The following CTCF variants were observed in gnomAD, a reference collection of about 807,000 sequenced individuals.
The protein encoded by CTCF is CCCTC-binding factor.
Under a neutral mutation model 72.3 loss-of-function variants are expected in CTCF, and 7 were observed. The observed-to-expected ratio is 0.10, with a 90% confidence interval of 0.06 to 0.18. The LOEUF (loss-of-function observed/expected upper bound fraction) is 0.18. Ranked by LOEUF, CTCF falls within the 10% of genes least tolerant of loss-of-function variation. The pLI is 1.00. For synonymous variants in CTCF, 374 were observed against 315.8 expected (o/e 1.18, Z -1.95); for missense variants, 516 against 949.1 (o/e 0.54, Z 6.00).
chr16:67,618,715 A>T (rs1373246686), intron 5 of CTCF, among the ~76,000 whole-genome samples: 1 of 152,246 alleles, frequency 6.6e-6, no homozygotes, highest in Non-Finnish European at 1.5e-5. Flanking sequence ...TACAGAAATC[A>T]GTAACGTCAA....
At chr16:67,606,784 A>G (rs1235881117) in intron 2 of CTCF, among the ~76,000 whole-genome samples, 1 of 133,210 alleles carries the variant, frequency 7.5e-6, no homozygotes, top group Non-Finnish European at 1.6e-5. Flanking sequence ...TTTGAGACAT[A>G]GTTTCACTCT....
intron 8 of CTCF, 79 bp from the exon 9 acceptor site, chr16:67,628,291 G>T: frequency 7.7e-7 from 1 of 1,305,882 alleles, no homozygotes; most frequent in Non-Finnish European, 1.1e-6. Context: ...AATACCTGTT[G>T]GCCACATGCA....
Position 67,616,813 on chromosome 16 carries a change from C to A in CTCF, c.1021C>A (p.Arg341Ser), listed in dbSNP as rs780911615. ...GACCAGTGGAGAATTGGTTCGGCAT[C>A]GTCGTTACAAACACACCCACGAGAA... is the stretch of plus-strand genomic sequence containing the variant. ...FVTSGELVRHRRYKHTHEKPF... is the reference protein window; with the variant it reads ...FVTSGELVRHSRYKHTHEKPF... The change falls in exon 5 of 12, where the codon CGT (arginine) becomes AGT (serine). Residue 341 changes from arginine to serine, a missense_variant. Physicochemically the swap from Arg to Ser is moderately radical, Grantham distance 110. This residue lies in a region of CTCF where 70 missense variants were observed against 290.1 expected (regional missense o/e 0.24). Transcript: ENST00000264010. 1 of 1,614,106 alleles carries A rather than the reference C, an allele frequency of 6.2e-7. No individual in the cohort carries two copies. Among genetic ancestry groups the A allele is most frequent in the Non-Finnish European group, 8.5e-7 (1 of 1,180,002 alleles).
Position 67,611,458 on chromosome 16 carries a change from A to T in CTCF, c.626A>T (p.Lys209Met). 1 of 1,614,206 alleles carries T rather than the reference A, an allele frequency of 6.2e-7. No individual in the cohort carries two copies. Among genetic ancestry groups the T allele is most frequent in the Non-Finnish European group, 8.5e-7 (1 of 1,180,032 alleles). The change falls in exon 3 of 12, where the codon AAG becomes ATG. Residue 209 changes from lysine to methionine, a missense_variant. Lys to Met is a moderately conservative substitution (Grantham distance 95). Coordinates refer to ENST00000264010, the MANE Select transcript of CTCF (RefSeq NM_006565.4). Reference sequence around the variant, plus strand: ...GCCAAAAAAACAAAGAAAACCAAAAAGAGCAAACTGCGTTATACAGAGGAG... The same window carrying T: ...GCCAAAAAAACAAAGAAAACCAAAATGAGCAAACTGCGTTATACAGAGGAG... The part of the protein sequence containing the change: ...PPAKKTKKTK[K>M]SKLRYTEEGK...
chr16:67,590,403 T>C (rs910320127), intron 2 of CTCF, among the ~76,000 whole-genome samples: 5 of 152,070 alleles, frequency 3.3e-5, no homozygotes, highest in Admixed American at 6.5e-5. Flanking sequence ...AATACTAGAA[T>C]GCTCTTAACT....
At chr16:67,594,850 A>G (rs1412146646) in intron 2 of CTCF, among the ~76,000 whole-genome samples, 3 of 152,170 alleles carry the variant, frequency 2.0e-5, no homozygotes, top group South Asian at 2.1e-4. Flanking sequence ...ATACTGGGGG[A>G]AAAACACATA....
intron 4 of CTCF, among the ~76,000 whole-genome samples, chr16:67,614,073 G>A (rs1361268386): frequency 1.3e-5 from 2 of 152,118 alleles, no homozygotes; most frequent in African/African-American, 4.8e-5. Flanking sequence ...GCAGCCGGGC[G>A]CCGTAGCTCT....
At chr16:67,595,082 TTCAG>T (rs1248628894) in intron 2 of CTCF, among the ~76,000 whole-genome samples, 1 of 152,180 alleles carries the variant, frequency 6.6e-6, no homozygotes, top group Non-Finnish European at 1.5e-5. Context: ...TTGGACCTGA[TTCAG>T]TCAGCATCAC....
intron 2 of CTCF, among the ~76,000 whole-genome samples, chr16:67,596,213 A>G (rs2051812868): frequency 6.6e-6 from 1 of 152,142 alleles, no homozygotes; most frequent in South Asian, 2.1e-4. Flanking sequence ...TGGCCTCCCA[A>G]AGTGCTGGGA....
intron 1 of CTCF, among the ~76,000 whole-genome samples, chr16:67,566,859 C>G (rs2051349283): frequency 6.6e-6 from 1 of 151,820 alleles, no homozygotes; most frequent in Non-Finnish European, 1.5e-5. Context: ...GCGTGAGCCA[C>G]CGTGCCCGGC....
chr16:67,584,976 A>G (rs925323561), intron 2 of CTCF, among the ~76,000 whole-genome samples: 1 of 152,198 alleles, frequency 6.6e-6, no homozygotes, highest in African/African-American at 2.4e-5. Context: ...ATCAATGTGT[A>G]TGTCTAGAAA....
At chr16:67,622,641 CTT>C (rs555584618) in intron 7 of CTCF, among the ~76,000 whole-genome samples, 6 of 130,914 alleles carry the variant, frequency 4.6e-5, no homozygotes, top group Non-Finnish European at 3.3e-5. Flanking sequence ...CCTACTCTTA[CTT>C]TTTTTTTTTT....
intron 2 of CTCF, among the ~76,000 whole-genome samples, chr16:67,594,575 G>C (rs1439573357): frequency 6.6e-6 from 1 of 152,016 alleles, no homozygotes; most frequent in Non-Finnish European, 1.5e-5. Flanking sequence ...AAATAGTGAT[G>C]CGTAAAAAAA....
chr16:67,629,860 A>C (rs1339233423), intron 10 of CTCF, among the ~76,000 whole-genome samples: 1 of 129,990 alleles, frequency 7.7e-6, no homozygotes, highest in African/African-American at 2.9e-5. Context: ...CTGCAAGCTC[A>C]GCCTCCCGGG....
chr16:67,631,146 CTTTG>C (rs1211118082), intron 10 of CTCF, among the ~76,000 whole-genome samples: 28 of 127,190 alleles, frequency 2.2e-4, no homozygotes, highest in South Asian at 2.0e-3. Flanking sequence ...TTTTTTTGTT[CTTTG>C]TTTGTTTTTT....
chr16:67,600,832 A>G (rs28608536), intron 2 of CTCF, among the ~76,000 whole-genome samples: 2,004 of 152,106 alleles, frequency 0.013, 43 homozygotes, highest in African/African-American at 0.046. Context: ...AATCTGGAGG[A>G]AAAAAAATGT....
At chr16:67,636,181 G>A (rs1361232310) in intron 10 of CTCF, among the ~76,000 whole-genome samples, 1 of 152,150 alleles carries the variant, frequency 6.6e-6, no homozygotes, top group Non-Finnish European at 1.5e-5. Context: ...TTCAAGACCA[G>A]CCTGACCAAT....
intron 2 of CTCF, among the ~76,000 whole-genome samples, chr16:67,593,894 T>G (rs1259242985): frequency 6.6e-6 from 1 of 152,200 alleles, no homozygotes; most frequent in Admixed American, 6.6e-5. Flanking sequence ...CTTAACTGAC[T>G]AAACTCTGCA....
At chr16:67,591,727 G>C (rs2051746631) in intron 2 of CTCF, among the ~76,000 whole-genome samples, 1 of 151,858 alleles carries the variant, frequency 6.6e-6, no homozygotes, top group Non-Finnish European at 1.5e-5. Flanking sequence ...TTTTTGGGGG[G>C]GGGCAGTAAG....
Sources: allele counts gnomAD v4.1 joint callset (sites outside exome capture counted in the v4.1 genomes callset), GRCh38; gene constraint gnomAD v4.1.1; regional missense constraint gnomAD v4.1.1; transcripts MANE v1.5; gene names NCBI Gene and HGNC (gene_info 2026-07-23, HGNC 2026-07-21).